The following RABEP1 variants were observed in gnomAD, a reference collection of about 807,000 sequenced individuals.
RABEP1 encodes rabaptin, RAB GTPase binding effector protein 1.
A neutral mutation model predicts 123.4 loss-of-function variants in RABEP1; 51 were observed. The ratio of observed to expected loss-of-function variants is 0.41; its 90% CI spans 0.33 to 0.52. The LOEUF (loss-of-function observed/expected upper bound fraction) is 0.52. Ranked by LOEUF, RABEP1 falls within the 20% of genes least tolerant of loss-of-function variation. The pLI is 0.16. For missense variants in RABEP1, 888 were observed against 996.3 expected (o/e 0.89, Z 1.46); for synonymous variants, 347 against 355.2 (o/e 0.98, Z 0.26).
chr17:5,364,918 G>A (rs1487678578), intron 10 of RABEP1, among the ~76,000 whole-genome samples: 1 of 152,062 alleles, frequency 6.6e-6, no homozygotes, highest in African/African-American at 2.4e-5. Context: ...TGAGATGTGT[G>A]TGAAAAATGA....
intron 12 of RABEP1, among the ~76,000 whole-genome samples, chr17:5,369,852 C>T (rs192226212): frequency 2.0e-5 from 3 of 152,210 alleles, no homozygotes; most frequent in African/African-American, 7.2e-5. Context: ...AGGCATGCAC[C>T]ACCACACCCG....
At chr17:5,369,182 G>A (rs963902722) in intron 12 of RABEP1, among the ~76,000 whole-genome samples, 1 of 152,142 alleles carries the variant, frequency 6.6e-6, no homozygotes, top group Non-Finnish European at 1.5e-5. Flanking sequence ...GTGGTGCTGG[G>A]GACCTTCCAG....
At chr17:5,305,818 T>C (rs1431776720) in intron 1 of RABEP1, among the ~76,000 whole-genome samples, 1 of 152,152 alleles carries the variant, frequency 6.6e-6, no homozygotes, top group Non-Finnish European at 1.5e-5. Flanking sequence ...ATGAGATAAT[T>C]GCACATTTTC....
chr17:5,360,109 T>A (rs1305002210), intron 8 of RABEP1, among the ~76,000 whole-genome samples: 1 of 152,250 alleles, frequency 6.6e-6, no homozygotes, highest in Non-Finnish European at 1.5e-5. Flanking sequence ...CATTTTCCCT[T>A]TGCCCTAGCC....
chr17:5,347,802 A>C (rs1908198728), intron 6 of RABEP1, among the ~76,000 whole-genome samples: 1 of 152,196 alleles, frequency 6.6e-6, no homozygotes, highest in South Asian at 2.1e-4. Context: ...TCATATTCTT[A>C]AAGGTGTCCA....
intron 2 of RABEP1, among the ~76,000 whole-genome samples, chr17:5,317,597 A>T (rs968025781): frequency 6.1e-5 from 9 of 147,550 alleles, no homozygotes; most frequent in African/African-American, 2.3e-4. Context: ...AGAAAGAAAA[A>T]GGAAAGGAAA....
At chr17:5,338,301 C>G in intron 5 of RABEP1, 163 bp downstream of exon 5, 1 of 853,764 alleles carries the variant, frequency 1.2e-6, no homozygotes, top group Non-Finnish European at 1.6e-6. Context: ...GTGGCTCACG[C>G]CTGTAATCCC....
At chr17:5,333,890 C>T (rs1020455224) in intron 3 of RABEP1, among the ~76,000 whole-genome samples, 1 of 152,190 alleles carries the variant, frequency 6.6e-6, no homozygotes, top group African/African-American at 2.4e-5. Flanking sequence ...ATCCCTTTCG[C>T]TTTGTTGACC....
Position 5,304,734 on chromosome 17 carries a change from T to A in RABEP1, c.35-3960T>A, listed in dbSNP as rs2075165631. On this transcript the variant is annotated intron_variant, in intron 1 of 17. Coordinates refer to ENST00000537505, the MANE Select transcript of RABEP1 (RefSeq NM_004703.6). ...CCTTCTAAATTTCAGAAGGTTTAAT[T>A]TTGTTGAAGGCTGGCATTACAGTAA... 3.9e-5 allele frequency among the ~76,000 whole-genome samples: 6 copies of A among 152,258 alleles called. No homozygotes were observed. In the South Asian group the frequency reaches 1.2e-3, roughly 32 times the overall value.
Position 5,367,483 on chromosome 17 carries a change from C to G in RABEP1, c.1786-887C>G, listed in dbSNP as rs376703738. On this transcript the variant is annotated intron_variant, in intron 11 of 17. Coordinates refer to ENST00000537505, the MANE Select transcript of RABEP1 (RefSeq NM_004703.6). ...ACGGGGTTTCACCATCTTGGCCAGG[C>G]TGGTCTCGAACTCCTGACTTTGTGA... is the stretch of plus-strand genomic sequence containing the variant. 1.1e-4 allele frequency among the ~76,000 whole-genome samples: 17 copies of G among 151,888 alleles called. 1 individual carries two copies. The East Asian group carries it at 1.6e-3, about 14-fold the overall frequency.
At chr17:5,351,226 A>T (rs1908522015) in intron 7 of RABEP1, among the ~76,000 whole-genome samples, 2 of 152,162 alleles carry the variant, frequency 1.3e-5, no homozygotes, top group African/African-American at 4.8e-5. Flanking sequence ...AGCACTGCAT[A>T]TTCAGGTTCC....
intron 1 of RABEP1, 143 bp from the exon 2 acceptor site, chr17:5,308,551 A>G: frequency 2.6e-6 from 2 of 755,448 alleles, no homozygotes; most frequent in South Asian, 4.5e-5. Flanking sequence ...AAACATTAGA[A>G]TATCCTAGCA....
chr17:5,312,273 C>T (rs781047321), intron 2 of RABEP1, among the ~76,000 whole-genome samples: 7 of 152,154 alleles, frequency 4.6e-5, no homozygotes, highest in Non-Finnish European at 7.4e-5. Context: ...CTTAGCCTCC[C>T]GAGTAGCAGG....
At chr17:5,367,723 G>T (rs1022874752) in intron 11 of RABEP1, among the ~76,000 whole-genome samples, 1 of 150,350 alleles carries the variant, frequency 6.7e-6, no homozygotes, top group Admixed American at 6.7e-5. Context: ...GCTAAATTCT[G>T]CACTGTGATT....
intron 1 of RABEP1, among the ~76,000 whole-genome samples, chr17:5,304,790 G>A (rs1041892532): frequency 2.0e-5 from 3 of 152,178 alleles, no homozygotes; most frequent in Non-Finnish European, 4.4e-5. Context: ...ATGCTATAAA[G>A]ATACATGGTA....
intron 4 of RABEP1, among the ~76,000 whole-genome samples, chr17:5,337,412 G>A (rs916892145): frequency 6.6e-5 from 10 of 152,104 alleles, no homozygotes; most frequent in South Asian, 2.1e-4. Flanking sequence ...TGGGCTGGGC[G>A]CGGTGGCTCA....
intron 1 of RABEP1, among the ~76,000 whole-genome samples, chr17:5,294,237 A>C (rs946900089): frequency 6.6e-6 from 1 of 152,108 alleles, no homozygotes; most frequent in Non-Finnish European, 1.5e-5. Flanking sequence ...TACAAAAGTC[A>C]GCTGGGCGTG....
chr17:5,324,480 C>T (rs569346965), intron 2 of RABEP1, among the ~76,000 whole-genome samples: 2 of 152,254 alleles, frequency 1.3e-5, no homozygotes, highest in Non-Finnish European at 2.9e-5. Flanking sequence ...ACTATGAAGC[C>T]ACTAGAGGAA....
At chr17:5,294,547 A>G (rs536508588) in intron 1 of RABEP1, among the ~76,000 whole-genome samples, 1 of 144,484 alleles carries the variant, frequency 6.9e-6, no homozygotes, top group East Asian at 2.3e-4. Context: ...ACTGTTTTAT[A>G]TAAGGGACTT....
Sources: gnomAD v4.1 joint callset for allele counts (sites outside exome capture counted in the v4.1 genomes callset) on GRCh38, gnomAD v4.1.1 for gene constraint, MANE v1.5 for transcripts, NCBI Gene and HGNC (gene_info 2026-07-23, HGNC 2026-07-21) for gene names.